TARS3: variants seen among roughly 807,000 people sequenced by gnomAD.
TARS3 encodes threonyl-tRNA synthetase 3, also known as threonine--tRNA ligase 2, cytoplasmic.
A neutral mutation model predicts 103.5 loss-of-function variants in TARS3; 94 were observed. The observed-to-expected ratio is 0.91, with a 90% CI of 0.77 to 1.08. The LOEUF (loss-of-function observed/expected upper bound fraction) is 1.08. TARS3 is among the 50% of genes least tolerant of loss of function. The probability of loss-of-function intolerance (pLI) is 0.00; values close to 1 mark genes in which losing one functional copy is unlikely to be tolerated. For missense variants in TARS3, 952 were observed against 995.2 expected, an observed-to-expected ratio of 0.96 and a Z score of 0.58; for synonymous variants, 416 against 355.4, an observed-to-expected ratio of 1.17 and a Z score of -1.92.
chr15:101,657,953 C>A, intron 16 of TARS3, 96 bp from the exon 17 acceptor site: 1 of 765,444 alleles, frequency 1.3e-6, no homozygotes, highest in East Asian at 2.9e-5. Context: ...AAAGACTTCA[C>A]AAGAGGGCAG....
intron 12 of TARS3, among the ~76,000 whole-genome samples, chr15:101,681,809 G>A (rs1460948874): frequency 6.6e-6 from 1 of 152,170 alleles, no homozygotes; most frequent in East Asian, 1.9e-4. Flanking sequence ...CCATCACATT[G>A]GGGGTTAGGA....
At chr15:101,657,295 G>GGCAA (rs1287568381) in intron 17 of TARS3, among the ~76,000 whole-genome samples, 2 of 152,228 alleles carry the variant, frequency 1.3e-5, no homozygotes, top group East Asian at 3.8e-4. Context: ...AGGACATTCA[G>GGCAA]GCAAGCAAGC....
rs1897109923 is a variant in TARS3, at chr15:101,654,112, G to A, written c.*470C>T. ...GTAGCTGCTGCTTTTGTGGTTGTTG[G>A]TTAGTTAAAATTAAGTAATGATTCC... On this transcript the variant is annotated 3_prime_UTR_variant, in exon 19 of 19. Coordinates refer to ENST00000335968, the MANE Select transcript of TARS3 (RefSeq NM_152334.3). 6.5e-6 allele frequency: 1 copy of A among 153,566 alleles called. No homozygotes were observed. The highest frequency in any genetic ancestry group is 1.4e-5 in the Non-Finnish European group (1 of 69,234). The allele number at this position is 153,566 out of a possible 1,614,324, so 9.5% of individuals were successfully genotyped here. A position where few individuals can be genotyped will look rare whatever the true frequency, so the allele number is the denominator to read the frequency against.
chr15:101,708,648 G>A, intron 6 of TARS3, 145 bp downstream of exon 6: 2 of 637,498 alleles, frequency 3.1e-6, no homozygotes, highest in East Asian at 2.7e-5. Flanking sequence ...GTCACAGCAA[G>A]TAACTGGTAA....
chr15:101,714,373 G>A (rs1200564815), intron 4 of TARS3, among the ~76,000 whole-genome samples: 1 of 152,010 alleles, frequency 6.6e-6, no homozygotes, highest in African/African-American at 2.4e-5. Context: ...GGAGGCTGAG[G>A]GAGGCATACT....
chr15:101,685,851 G>A, intron 11 of TARS3, 45 bp downstream of exon 11: 3 of 1,503,818 alleles, frequency 2.0e-6, no homozygotes, highest in Non-Finnish European at 2.7e-6. Context: ...GACGAAGCGT[G>A]CTATGTGCTC....
At position 101,654,596 on chromosome 15, in the gene TARS3, C is replaced by A. The variant is rs1386858705; in HGVS notation, c.2395G>T (p.Glu799Ter). 4 of 1,613,494 alleles carry A rather than the reference C, an allele frequency of 2.5e-6. No individual in the cohort carries two copies. The change falls in exon 19 of 19, where the codon GAG becomes TAG. Residue 799 changes from glutamate to a stop codon, truncating the protein, a stop_gained. Transcript: ENST00000335968. LOFTEE classifies it high-confidence loss of function. ...AGGGAAGGACTTCAAAAGGCCTCCT[C>A]AGCATTGAGTGTCCGTGTCTTCCTG... is the stretch of plus-strand genomic sequence containing the variant. Reference protein sequence around the residue: ...NLRKTRTLNAEEAF With the variant: ...NLRKTRTLNA
Position 101,709,352 on chromosome 15 carries a change from C to T in TARS3, c.813-442G>A, listed in dbSNP as rs541642545. Among the ~76,000 whole-genome samples, 22 of 152,334 alleles carry T rather than the reference C, an allele frequency of 1.4e-4. No homozygotes were observed. The East Asian group carries it at 3.9e-3, about 27-fold the overall frequency. ...GGTGCTCCCAGCAGCACTCAGCCTC[C>T]GCTATGCATGGACTAACTTCCTTTC... On this transcript the variant is annotated intron_variant, in intron 5 of 18. Transcript: ENST00000335968.
intron 10 of TARS3, among the ~76,000 whole-genome samples, chr15:101,696,893 A>G (rs559976200): frequency 1.3e-5 from 2 of 152,314 alleles, no homozygotes; most frequent in Admixed American, 1.3e-4. Context: ...GTTGGTTTAT[A>G]AAGGCTGCAC....
At chr15:101,703,084 T>C (rs968049474) in intron 8 of TARS3, among the ~76,000 whole-genome samples, 8 of 152,200 alleles carry the variant, frequency 5.3e-5, no homozygotes, top group Admixed American at 5.2e-4. Context: ...CCATTTTACC[T>C]GTAAGAAAAT....
rs1898291474 is a variant in TARS3 at position 101,682,402 on chromosome 15, T to C, written c.1650+1673A>G. 2.0e-5 allele frequency among the ~76,000 whole-genome samples: 3 copies of C among 152,196 alleles called. No homozygotes were observed. In the South Asian group the frequency reaches 6.2e-4, roughly 32 times the overall value. ...GAAGATAATATGCTTTTTGTCTTTT[T>C]GTTTGTTTTCTTTTTTTTAGTTTGT... On this transcript the variant is annotated intron_variant, in intron 12 of 18. Coordinates refer to ENST00000335968, the MANE Select transcript of TARS3 (RefSeq NM_152334.3).
At chr15:101,656,366 A>G (rs1329192275) in intron 18 of TARS3, among the ~76,000 whole-genome samples, 2 of 152,238 alleles carry the variant, frequency 1.3e-5, no homozygotes, top group Admixed American at 6.5e-5. Flanking sequence ...CTTACAAGAA[A>G]TAGCAATACT....
At chr15:101,658,331 A>AG (rs1897256544) in intron 16 of TARS3, among the ~76,000 whole-genome samples, 3 of 150,824 alleles carry the variant, frequency 2.0e-5, no homozygotes, top group African/African-American at 7.3e-5. Context: ...AAAAAAAAAA[A>AG]GGAACCAACT....
intron 3 of TARS3, among the ~76,000 whole-genome samples, chr15:101,719,189 T>C (rs1020844238): frequency 6.6e-6 from 1 of 152,188 alleles, no homozygotes; most frequent in African/African-American, 2.4e-5. Flanking sequence ...GACTTCTCTA[T>C]ACCACTCCCT....
chr15:101,663,745 CTAATAA>C (rs1277501080), intron 15 of TARS3, among the ~76,000 whole-genome samples: 1 of 152,132 alleles, frequency 6.6e-6, no homozygotes, highest in African/African-American at 2.4e-5. Context: ...TTAACATCTA[CTAATAA>C]TAATTTTATC....
chr15:101,699,455 C>T (rs990436087), intron 10 of TARS3: 1 of 455,930 alleles, frequency 2.2e-6, no homozygotes, highest in African/African-American at 2.0e-5. Context: ...ATAAGAGATC[C>T]CCTTAATGCC....
At chr15:101,717,186 GT>G (rs1900199464) in intron 3 of TARS3, among the ~76,000 whole-genome samples, 1 of 152,144 alleles carries the variant, frequency 6.6e-6, no homozygotes, top group African/African-American at 2.4e-5. Context: ...TTACATTTCT[GT>G]GATTAACTTG....
In TARS3 at chr15:101,714,833, TACTC is replaced by T. The variant is rs1308927056; in HGVS notation, c.690+3_690+6del. 2.5e-6 allele frequency: 4 copies of T among 1,596,714 alleles called. No individual in the cohort carries two copies. The highest frequency in any genetic ancestry group is 1.7e-6 in the Non-Finnish European group (2 of 1,170,758). On this transcript the variant is annotated splice_donor_5th_base_variant and intron_variant, in intron 4 of 18. Coordinates refer to ENST00000335968, the MANE Select transcript of TARS3 (RefSeq NM_152334.3). ...AAAGTTTGGCTGTCTGGTTTTTAAA[TACTC>T]ACAGCTTGAGCTTCCTCATTATCAA...
rs756142887 is a variant in TARS3, at chr15:101,724,245, G to T, written c.143C>A (p.Pro48Gln). 13 of 1,556,370 alleles carry T rather than the reference G, an allele frequency of 8.4e-6. No homozygotes were observed. The highest frequency in any genetic ancestry group is 3.7e-5 in the Admixed American group (2 of 54,084). ...CTGCGCCACCTCCCGCGTGAGGCAC[G>T]GCCCCTCCGCCTGGCAGCTGTAGGG... ...NAPYSCQAEG[P>Q]CLTREVAQLR... The change falls in exon 1 of 19, where the codon CCG becomes CAG. Residue 48 changes from proline (P) to glutamine (Q), a missense_variant. Pro to Gln is a moderately conservative substitution (Grantham distance 76). This residue lies in a region of TARS3 where 412 missense variants were observed against 364.2 expected (regional missense o/e 1.13). Coordinates refer to ENST00000335968, the MANE Select transcript of TARS3 (RefSeq NM_152334.3).
Sources: gnomAD v4.1 joint callset for allele counts (sites outside exome capture counted in the v4.1 genomes callset) on GRCh38, gnomAD v4.1.1 for gene constraint, gnomAD v4.1.1 regional missense constraint, MANE v1.5 for transcripts, NCBI Gene and HGNC (gene_info 2026-07-23, HGNC 2026-07-21) for gene names.